The following SPATS2 variants were observed in gnomAD, a reference collection of about 807,000 sequenced individuals.
The protein encoded by SPATS2 is spermatogenesis associated serine rich 2.
A neutral mutation model predicts 63.7 loss-of-function variants in SPATS2; 38 were observed. The observed-to-expected ratio is 0.60, with a 90% CI of 0.46 to 0.78. The LOEUF is 0.78. SPATS2 is among the 30% of genes least tolerant of loss of function. The pLI is 0.00. For missense variants in SPATS2, 588 were observed against 666.2 expected, an observed-to-expected ratio of 0.88 and a Z score of 1.29; for synonymous variants, 207 against 232.9, an observed-to-expected ratio of 0.89 and a Z score of 1.01.
intron 3 of SPATS2, among the ~76,000 whole-genome samples, chr12:49,473,816 A>G (rs934222171): frequency 6.6e-6 from 1 of 152,246 alleles, no homozygotes. Context: ...AAATGCATAC[A>G]GGGTTATTCC....
At chr12:49,438,033 T>A in intron 2 of SPATS2, among the ~76,000 whole-genome samples, 1 of 152,206 alleles carries the variant, frequency 6.6e-6, no homozygotes, top group East Asian at 1.9e-4. Context: ...TTTTTACATA[T>A]GTTGTACCCA....
intron 4 of SPATS2, among the ~76,000 whole-genome samples, chr12:49,487,092 A>G (rs984075268): frequency 2.0e-5 from 3 of 152,180 alleles, no homozygotes; most frequent in African/African-American, 4.8e-5. Flanking sequence ...TATTACTACT[A>G]TGTTACTAAT....
intron 2 of SPATS2, among the ~76,000 whole-genome samples, chr12:49,385,398 CAG>C (rs1252573294): frequency 8.1e-6 from 1 of 123,322 alleles, no homozygotes; most frequent in African/African-American, 3.4e-5. Context: ...GTGGCAGAGA[CAG>C]AGATAGAGAC....
intron 2 of SPATS2, among the ~76,000 whole-genome samples, chr12:49,403,708 C>G (rs948869582): frequency 6.6e-6 from 1 of 151,856 alleles, no homozygotes; most frequent in Non-Finnish European, 1.5e-5. Context: ...CCCTAGTACC[C>G]TATTCTTAAA....
intron 3 of SPATS2, chr12:49,469,680 C>T (rs907897554): frequency 5.5e-5 from 20 of 363,910 alleles, no homozygotes; most frequent in Non-Finnish European, 1.0e-4. Context: ...CACTTGAGGT[C>T]AGGAGTTCAA....
At chr12:49,506,007 A>C (rs1430792895) in intron 9 of SPATS2, among the ~76,000 whole-genome samples, 1 of 126,658 alleles carries the variant, frequency 7.9e-6, no homozygotes, top group Non-Finnish European at 1.7e-5. Flanking sequence ...TTGTATACCC[A>C]TACAACCATT....
At chr12:49,423,424 G>A (rs1002289222) in intron 2 of SPATS2, among the ~76,000 whole-genome samples, 22 of 152,202 alleles carry the variant, frequency 1.4e-4, no homozygotes, top group African/African-American at 4.1e-4. Flanking sequence ...GAGCCACCGC[G>A]CCTGGCCTAA....
chr12:49,510,336 T>C (rs1946730455), intron 9 of SPATS2, among the ~76,000 whole-genome samples: 1 of 150,076 alleles, frequency 6.7e-6, no homozygotes, highest in Non-Finnish European at 1.5e-5. Flanking sequence ...CTGATGTGGA[T>C]GGATCGCTTG....
chr12:49,474,000 G>A (rs2137770808), intron 3 of SPATS2, among the ~76,000 whole-genome samples: 1 of 152,340 alleles, frequency 6.6e-6, no homozygotes, highest in Non-Finnish European at 1.5e-5. Flanking sequence ...GTGTGAGGAA[G>A]ACTTCTAAGT....
chr12:49,469,720 A>AG (rs1946001357), intron 3 of SPATS2, among the ~76,000 whole-genome samples: 1 of 151,550 alleles, frequency 6.6e-6, no homozygotes, highest in African/African-American at 2.4e-5. Context: ...GTGAAACCCC[A>AG]TCTCTGTTAA....
chr12:49,520,634 C>G (rs1239258255), intron 11 of SPATS2, among the ~76,000 whole-genome samples: 1 of 152,066 alleles, frequency 6.6e-6, no homozygotes, highest in Non-Finnish European at 1.5e-5. Context: ...AGTTGGTTGA[C>G]CAATTCTGAT....
At chr12:49,400,651 C>T (rs749902605) in intron 2 of SPATS2, among the ~76,000 whole-genome samples, 4 of 152,042 alleles carry the variant, frequency 2.6e-5, no homozygotes, top group Non-Finnish European at 4.4e-5. Context: ...CCTTCTCTTT[C>T]ACTGAGGAAG....
At chr12:49,486,521 C>T (rs560890483) in intron 4 of SPATS2, among the ~76,000 whole-genome samples, 2 of 152,294 alleles carry the variant, frequency 1.3e-5, no homozygotes, top group Admixed American at 1.3e-4. Flanking sequence ...TTTACCTAAA[C>T]TTCCATTTTT....
chr12:49,513,358 T>C (rs1946784764), intron 9 of SPATS2, among the ~76,000 whole-genome samples: 1 of 152,176 alleles, frequency 6.6e-6, no homozygotes, highest in Admixed American at 6.5e-5. Flanking sequence ...CATTGCATGT[T>C]TGTGCAAGTA....
intron 10 of SPATS2, among the ~76,000 whole-genome samples, chr12:49,516,064 C>T (rs1244508009): frequency 7.2e-6 from 1 of 138,010 alleles, no homozygotes. Flanking sequence ...CACTTGAACC[C>T]AGGGGGCAGA....
chr12:49,502,407 T>A (rs1160758927), intron 9 of SPATS2, among the ~76,000 whole-genome samples: 2 of 152,234 alleles, frequency 1.3e-5, no homozygotes, highest in African/African-American at 4.8e-5. Context: ...CTCTAAGTTT[T>A]ACTTTTCAGG....
chr12:49,373,897 C>T (rs1029317392), intron 2 of SPATS2, among the ~76,000 whole-genome samples: 6 of 151,962 alleles, frequency 3.9e-5, no homozygotes, highest in Non-Finnish European at 7.4e-5. Context: ...CCAGCCTGGG[C>T]GACACTGCGA....
intron 5 of SPATS2, 120 bp from the exon 6 acceptor site, chr12:49,490,562 A>T: frequency 2.1e-6 from 2 of 931,426 alleles, no homozygotes; most frequent in Non-Finnish European, 3.4e-6. Flanking sequence ...CCTTAACTTT[A>T]ACTTTTCTGT....
In SPATS2 at chr12:49,493,149, A is replaced by G. The variant is rs149634045; in HGVS notation, c.265-1592A>G. ...AAGAAAGATGAGAGCTGTTAAGGCA[A>G]AAAGTTTATCTAGAGTTCAATCATG... On this transcript the variant is annotated intron_variant, in intron 6 of 13. Coordinates refer to ENST00000552918, the MANE Select transcript of SPATS2 (RefSeq NM_023071.4). Among the ~76,000 whole-genome samples the G allele has an allele frequency of 1.4e-3, 211 of 152,132 alleles. 1 individual carries two copies. Among genetic ancestry groups the G allele is most frequent in the African/African-American group, 4.7e-3 (195 of 41,532 alleles).
Sources: gnomAD v4.1 joint callset for allele counts (sites outside exome capture counted in the v4.1 genomes callset) on GRCh38, gnomAD v4.1.1 for gene constraint, MANE v1.5 for transcripts, NCBI Gene and HGNC (gene_info 2026-07-23, HGNC 2026-07-21) for gene names.